Variants in PIBF1 observed in about 807,000 individuals in gnomAD.
The protein encoded by PIBF1 is progesterone immunomodulatory binding factor 1, also known as progesterone-induced-blocking factor 1.
PIBF1 carries 90 observed loss-of-function variants against 112.5 expected under a neutral mutation model. The ratio of observed to expected loss-of-function variants is 0.80; its 90% CI spans 0.67 to 0.95. The LOEUF is 0.95. PIBF1 is among the 40% of genes least tolerant of loss of function. The probability of loss-of-function intolerance (pLI) is 0.00; values close to 1 mark genes in which losing one functional copy is unlikely to be tolerated. For missense variants in PIBF1, 915 were observed against 852.3 expected (o/e 1.07, Z -0.92); for synonymous variants, 301 against 288.6 (o/e 1.04, Z -0.44).
chr13:72,803,916 T>G (rs909241168), intron 5 of PIBF1, among the ~76,000 whole-genome samples: 40 of 152,216 alleles, frequency 2.6e-4, no homozygotes, highest in African/African-American at 9.6e-4. Flanking sequence ...ATGAAAGTGC[T>G]AAATGAAATT....
rs192675585 is a variant in PIBF1, at chr13:72,950,046, A to C, written c.1834-15228A>C. The stretch of plus-strand genomic sequence containing the variant: ...GTAGGAGCAAGCTAATCCAACCTCT[A>C]TATCATTTTGAATTAATACTGCGTA... On this transcript the variant is annotated intron_variant, in intron 14 of 17. Coordinates refer to ENST00000326291, the MANE Select transcript of PIBF1 (RefSeq NM_006346.4). Among the ~76,000 whole-genome samples, 4 of 152,248 alleles carry C rather than the reference A, an allele frequency of 2.6e-5. No individual in the cohort carries two copies. The East Asian group carries it at 7.7e-4, about 29-fold the overall frequency.
At chr13:72,951,357 A>G (rs962835618) in intron 14 of PIBF1, among the ~76,000 whole-genome samples, 1 of 152,170 alleles carries the variant, frequency 6.6e-6, no homozygotes, top group African/African-American at 2.4e-5. Context: ...ATTACTAGCT[A>G]TGTAAATTTG....
chr13:72,859,737 A>G (rs2038608149), intron 10 of PIBF1, among the ~76,000 whole-genome samples: 1 of 152,172 alleles, frequency 6.6e-6, no homozygotes, highest in Non-Finnish European at 1.5e-5. Context: ...CATGGTTTCA[A>G]TATGGAGATA....
chr13:72,855,429 A>G (rs1026205394), intron 10 of PIBF1, among the ~76,000 whole-genome samples: 8 of 152,158 alleles, frequency 5.3e-5, no homozygotes, highest in African/African-American at 1.9e-4. Context: ...CAGGTGGATA[A>G]CTTGAGGCTA....
chr13:72,825,379 A>G (rs1428501644), intron 6 of PIBF1, among the ~76,000 whole-genome samples: 1 of 152,242 alleles, frequency 6.6e-6, no homozygotes, highest in Non-Finnish European at 1.5e-5. Flanking sequence ...TCAGTTGAGG[A>G]AACAAATGCA....
intron 9 of PIBF1, chr13:72,836,105 AAAAAAG>A: frequency 2.2e-6 from 1 of 454,644 alleles, no homozygotes; most frequent in Non-Finnish European, 4.4e-6. Context: ...TCTCAAAAAA[AAAAAAG>A]AAAAAAGAAA....
At chr13:72,844,764 C>CGG (rs368403113) in intron 9 of PIBF1, among the ~76,000 whole-genome samples, 12 of 107,962 alleles carry the variant, frequency 1.1e-4, no homozygotes, top group Admixed American at 2.6e-4. Flanking sequence ...CACACACACA[C>CGG]ACACACACAC....
At chr13:72,813,004 A>AAGAT (rs1432288768) in intron 5 of PIBF1, among the ~76,000 whole-genome samples, 4 of 152,164 alleles carry the variant, frequency 2.6e-5, no homozygotes, top group African/African-American at 9.7e-5. Context: ...CTTAATTTGT[A>AAGAT]AGATAGGTAT....
chr13:72,913,092 A>T (rs1275187614), intron 12 of PIBF1, among the ~76,000 whole-genome samples: 1 of 151,978 alleles, frequency 6.6e-6, no homozygotes, highest in Non-Finnish European at 1.5e-5. Flanking sequence ...GACAAAAATC[A>T]GAACTGTAGT....
chr13:72,798,267 TATA>T (rs796417596), intron 5 of PIBF1, among the ~76,000 whole-genome samples: 24 of 152,340 alleles, frequency 1.6e-4, no homozygotes, highest in African/African-American at 5.8e-4. Flanking sequence ...AAGTCAATTT[TATA>T]ATCAACTGCT....
At position 72,998,868 on chromosome 13, in the gene PIBF1, A is replaced by G. The variant is rs779580256; in HGVS notation, c.2096A>G (p.His699Arg). 30 of 1,612,074 alleles carry G rather than the reference A, an allele frequency of 1.9e-5. 1 individual carries two copies. The South Asian group carries it at 3.3e-4, about 18-fold the overall frequency. ...KQILVKMHSK[H>R]SENSLLLTKT... ...ATTCTCGTTAAGATGCATAGTAAAC[A>G]TTCTGAGAACAGCTTACTTCTCACT... is the stretch of plus-strand genomic sequence containing the variant. Residue 699 changes from histidine (H) to arginine (R), a missense_variant, in exon 17 of 18, where the codon CAT (histidine) becomes CGT (arginine). Physicochemically the swap from His to Arg is conservative, Grantham distance 29. Coordinates refer to ENST00000326291, the MANE Select transcript of PIBF1 (RefSeq NM_006346.4).
chr13:72,969,067 T>C (rs1268648449), intron 15 of PIBF1, among the ~76,000 whole-genome samples: 4 of 152,016 alleles, frequency 2.6e-5, no homozygotes, highest in Admixed American at 2.6e-4. Flanking sequence ...AGAGTGGTCC[T>C]AACAGCACCC....
At chr13:72,795,321 CT>C in intron 3 of PIBF1, 37 bp from the exon 4 acceptor site, 1 of 1,318,942 alleles carries the variant, frequency 7.6e-7, no homozygotes, top group South Asian at 1.3e-5. Flanking sequence ...ATCTCAAATA[CT>C]TTTTTAAAGC....
At chr13:72,861,092 A>C (rs1362494670) in intron 10 of PIBF1, among the ~76,000 whole-genome samples, 1 of 152,148 alleles carries the variant, frequency 6.6e-6, no homozygotes, top group Non-Finnish European at 1.5e-5. Context: ...ATTCAAAATT[A>C]ATTTTAATAG....
chr13:72,879,359 A>G (rs947711028), intron 10 of PIBF1, among the ~76,000 whole-genome samples: 1 of 152,180 alleles, frequency 6.6e-6, no homozygotes, highest in African/African-American at 2.4e-5. Flanking sequence ...CAATCCTCCC[A>G]ACCAGAGAAG....
intron 10 of PIBF1, among the ~76,000 whole-genome samples, chr13:72,887,476 G>T (rs1023052258): frequency 2.0e-5 from 3 of 151,314 alleles, no homozygotes; most frequent in Admixed American, 2.0e-4. Flanking sequence ...ATATTTTCAG[G>T]GTATAAAAAA....
chr13:72,794,476 G>T (rs555164781), intron 3 of PIBF1, among the ~76,000 whole-genome samples: 2 of 152,188 alleles, frequency 1.3e-5, no homozygotes, highest in South Asian at 4.2e-4. Flanking sequence ...AATATGATTT[G>T]GCTGTGTCCC....
chr13:72,883,388 G>A (rs908045021), intron 10 of PIBF1, among the ~76,000 whole-genome samples: 2 of 152,110 alleles, frequency 1.3e-5, no homozygotes, highest in African/African-American at 4.8e-5. Flanking sequence ...AAAATAATAG[G>A]GAGGTTGAAT....
chr13:72,954,395 G>A (rs932390797), intron 14 of PIBF1, among the ~76,000 whole-genome samples: 9 of 152,316 alleles, frequency 5.9e-5, no homozygotes, highest in South Asian at 2.1e-4. Context: ...GGTTCTGGCC[G>A]ACAGGGTTAG....
Sources: gnomAD v4.1 joint callset for allele counts (sites outside exome capture counted in the v4.1 genomes callset) on GRCh38, gnomAD v4.1.1 for gene constraint, MANE v1.5 for transcripts, NCBI Gene and HGNC (gene_info 2026-07-23, HGNC 2026-07-21) for gene names.